The following KAZN variants were observed in gnomAD, a reference collection of about 807,000 sequenced individuals.
KAZN encodes kazrin.
KAZN carries 40 observed loss-of-function variants against 87.4 expected under a neutral mutation model. The observed-to-expected ratio is 0.46, with a 90% CI of 0.36 to 0.60. KAZN has a LOEUF of 0.60. KAZN is among the 20% of genes least tolerant of loss of function. The probability of loss-of-function intolerance (pLI) is 0.00; values close to 1 mark genes in which losing one functional copy is unlikely to be tolerated. For missense variants in KAZN, 898 were observed against 1,073.9 expected, an observed-to-expected ratio of 0.84 and a Z score of 2.29; for synonymous variants, 466 against 458.3, an observed-to-expected ratio of 1.02 and a Z score of -0.22.
chr1:14,227,675 C>T (rs917903066), intron 2 of KAZN, among the ~76,000 whole-genome samples: 102 of 152,144 alleles, frequency 6.7e-4, no homozygotes, highest in African/African-American at 2.3e-3. Flanking sequence ...TGTGAGTATA[C>T]AGAGCCCACC....
intron 1 of KAZN, among the ~76,000 whole-genome samples, chr1:14,917,496 T>C (rs964448476): frequency 2.6e-5 from 4 of 152,186 alleles, no homozygotes; most frequent in Non-Finnish European, 5.9e-5. Context: ...TCTGGCCTCC[T>C]CTGGGAATGT....
At chr1:14,934,423 T>G (rs1660213147) in intron 1 of KAZN, among the ~76,000 whole-genome samples, 1 of 151,854 alleles carries the variant, frequency 6.6e-6, no homozygotes. Context: ...GCCAGACTGG[T>G]CTTGAACTCC....
In KAZN at chr1:14,224,217, T is replaced by C. The variant is rs567147681; in HGVS notation, c.249+43625T>C. On this transcript the variant is annotated intron_variant, in intron 2 of 16. Transcript: ENST00000636203. ...CAGGATGCACATGAGAAGCTCAGAT[T>C]TCATAAAGGCCAAAGGGGCAGGGTC... 1.4e-4 allele frequency among the ~76,000 whole-genome samples: 22 copies of C among 152,146 alleles called. No individual in the cohort carries two copies. The East Asian group carries it at 3.7e-3, about 25-fold the overall frequency.
chr1:14,466,982 TTAAA>T (rs1375206764), intron 2 of KAZN, among the ~76,000 whole-genome samples: 5 of 151,982 alleles, frequency 3.3e-5, no homozygotes, highest in African/African-American at 7.2e-5. Context: ...AAAAAATTAA[TTAAA>T]TAAATAAACC....
intron 2 of KAZN, among the ~76,000 whole-genome samples, chr1:14,265,553 T>G (rs993421608): frequency 2.0e-5 from 3 of 152,220 alleles, no homozygotes; most frequent in Non-Finnish European, 2.9e-5. Flanking sequence ...TCTGGCATGC[T>G]TAGCAGAATG....
At chr1:14,967,388 C>T (rs1377416868) in intron 2 of KAZN, among the ~76,000 whole-genome samples, 2 of 152,200 alleles carry the variant, frequency 1.3e-5, no homozygotes, top group Non-Finnish European at 2.9e-5. Context: ...TCAGTCTCCG[C>T]ATCCTCTAGG....
In KAZN at chr1:15,112,544, A is replaced by G. The variant is rs1430022544; in HGVS notation, c.2163+3A>G. 3 of 1,479,996 alleles carry G rather than the reference A, an allele frequency of 2.0e-6. No individual in the cohort carries two copies. In the African/African-American group the frequency reaches 4.8e-5, roughly 24 times the overall value. The allele number at this position is 1,479,996 out of a possible 1,614,324, so 91.7% of individuals were successfully genotyped here. A position where few individuals can be genotyped will look rare whatever the true frequency, so the allele number is the denominator to read the frequency against. On this transcript the variant is annotated splice_donor_region_variant and intron_variant, in intron 14 of 14. Transcript: ENST00000376030. ...GTCTCAAGTACAAGGCTGGCCGGGT[A>G]AGTCTCTCAATGGATTTACCTGTGA...
In KAZN at chr1:14,598,788, C is replaced by A; in HGVS notation, c.-210C>A. Reference sequence around the variant, plus strand: ...TTTCTCCTCCGCCTCCTCCCCCCGCCGCCTCGCCACCGCCGCGGCTAGGGC... The same window carrying A: ...TTTCTCCTCCGCCTCCTCCCCCCGCAGCCTCGCCACCGCCGCGGCTAGGGC... On this transcript the variant is annotated 5_prime_UTR_variant, in exon 1 of 15. Transcript: ENST00000376030. The surrounding 1 kb of genome is among the most constrained non-coding windows in gnomAD (Gnocchi z 4.2). 7.4e-7 allele frequency: 1 copy of A among 1,350,212 alleles called. No individual in the cohort carries two copies. The highest frequency in any genetic ancestry group is 9.5e-7 in the Non-Finnish European group (1 of 1,055,816). The allele number at this position is 1,350,212 out of a possible 1,614,324, so 83.6% of individuals were successfully genotyped here. A position where few individuals can be genotyped will look rare whatever the true frequency, so the allele number is the denominator to read the frequency against.
At chr1:14,789,971 T>C (rs939533158) in intron 1 of KAZN, among the ~76,000 whole-genome samples, 2 of 151,946 alleles carry the variant, frequency 1.3e-5, no homozygotes, top group African/African-American at 4.8e-5. Context: ...TGAGTCACCA[T>C]ATCTTGGCAT....
rs375496705 is a variant in KAZN at position 14,797,136 on chromosome 1, C to T, written c.227-163548C>T. Among the ~76,000 whole-genome samples the T allele has an allele frequency of 3.9e-5, 6 of 152,150 alleles. No individual in the cohort carries two copies. The East Asian group carries it at 7.7e-4, about 20-fold the overall frequency. On this transcript the variant is annotated intron_variant, in intron 1 of 14. Coordinates refer to ENST00000376030, the MANE Select transcript of KAZN (RefSeq NM_201628.3). ...AGTGCAGTGGCATGATCTCGGCTCA[C>T]TGCAGCCTCCGCCTCCTGGGTTCAA...
chr1:14,147,794 CAA>C (rs575263344), intron 1 of KAZN, among the ~76,000 whole-genome samples: 2 of 136,884 alleles, frequency 1.5e-5, no homozygotes. Flanking sequence ...GACTCCATCT[CAA>C]AAAAAAAAAA....
At chr1:14,207,046 T>C (rs1445995115) in intron 2 of KAZN, among the ~76,000 whole-genome samples, 1 of 151,510 alleles carries the variant, frequency 6.6e-6, no homozygotes, top group Non-Finnish European at 1.5e-5. Context: ...TCACTGCAAC[T>C]TCTGCCTCTC....
At chr1:14,770,252 TAC>T (rs1186765250) in intron 1 of KAZN, among the ~76,000 whole-genome samples, 1 of 152,194 alleles carries the variant, frequency 6.6e-6, no homozygotes, top group Non-Finnish European at 1.5e-5. Context: ...TCTCTCTAGC[TAC>T]AGTGTGGAGA....
chr1:14,456,339 G>A (rs1475143499), intron 2 of KAZN, among the ~76,000 whole-genome samples: 1 of 152,114 alleles, frequency 6.6e-6, no homozygotes, highest in African/African-American at 2.4e-5. Context: ...ACAGAAATGG[G>A]TCTCTCTTGT....
intron 2 of KAZN, among the ~76,000 whole-genome samples, chr1:14,556,502 G>A (rs1411979493): frequency 1.3e-5 from 2 of 152,100 alleles, no homozygotes; most frequent in Non-Finnish European, 1.5e-5. Context: ...TGTGGAGCTA[G>A]AAATTTGTGT....
At chr1:14,707,688 A>G (rs551619859) in intron 1 of KAZN, among the ~76,000 whole-genome samples, 2 of 152,128 alleles carry the variant, frequency 1.3e-5, no homozygotes, top group South Asian at 4.1e-4. Context: ...ACTGCTCTGC[A>G]TATTTGTTTG....
chr1:14,110,055 A>G (rs1644467062), intron 1 of KAZN, among the ~76,000 whole-genome samples: 1 of 127,788 alleles, frequency 7.8e-6, no homozygotes, highest in Admixed American at 8.1e-5. Context: ...ATATGTTGTG[A>G]TTAATAAGTG....
intron 2 of KAZN, among the ~76,000 whole-genome samples, chr1:14,591,177 C>G (rs1004632708): frequency 5.9e-5 from 9 of 151,942 alleles, no homozygotes; most frequent in African/African-American, 1.9e-4. Context: ...TAGTGCCCCC[C>G]CCCCATGGAC....
At position 15,077,313 on chromosome 1, in the gene KAZN, C is replaced by T. The variant is rs1011234963; in HGVS notation, c.1222+11560C>T. Among the ~76,000 whole-genome samples, 2 of 152,130 alleles carry T rather than the reference C, an allele frequency of 1.3e-5. No homozygotes were observed. Among genetic ancestry groups the T allele is most frequent in the African/African-American group, 4.8e-5 (2 of 41,428 alleles). ...GGTCTTCCCCTGCGTGTGGAGTCCC[C>T]GGGCCTGCCTGGCTGTAGGCGCCCA... On this transcript the variant is annotated intron_variant, in intron 8 of 14. Transcript: ENST00000376030. The surrounding 1 kb of genome is among the most constrained non-coding windows in gnomAD (Gnocchi z 4.8).
Sources: allele counts gnomAD v4.1 joint callset (sites outside exome capture counted in the v4.1 genomes callset), GRCh38; gene constraint gnomAD v4.1.1; non-coding constraint Gnocchi (gnomAD v3.1); transcripts MANE v1.5; gene names NCBI Gene and HGNC (gene_info 2026-07-23, HGNC 2026-07-21).